FAM117A: variants seen among roughly 807,000 people sequenced by gnomAD.
FAM117A encodes family with sequence similarity 117 member A.
In FAM117A, 21 loss-of-function variants were observed where a neutral mutation model predicts 44.1. The observed-to-expected ratio is 0.48, with a 90% CI of 0.34 to 0.69. The LOEUF (loss-of-function observed/expected upper bound fraction) is 0.69. FAM117A is among the 30% of genes least tolerant of loss of function. The pLI is 0.01. For missense variants in FAM117A, 498 were observed against 589.9 expected (o/e 0.84, Z 1.61); for synonymous variants, 220 against 238.3 (o/e 0.92, Z 0.71).
In FAM117A at chr17:49,782,202, C is replaced by T. The variant is rs1056288629; in HGVS notation, c.-621+6295G>A. On this transcript the variant is annotated intron_variant, in intron 1 of 7. Coordinates refer to the FAM117A transcript ENST00000513602. ...CATCCTGGCTAACACAATGAAACCC[C>T]GTCTCTACTAAAAATACAAAAAAAA... Among the ~76,000 whole-genome samples the T allele has an allele frequency of 4.6e-5, 7 of 151,436 alleles. No individual in the cohort carries two copies. In the East Asian group the frequency reaches 9.8e-4, roughly 21 times the overall value.
chr17:49,755,487 C>T (rs2073695177), intron 1 of FAM117A, among the ~76,000 whole-genome samples: 1 of 152,240 alleles, frequency 6.6e-6, no homozygotes, highest in African/African-American at 2.4e-5. Flanking sequence ...TAAAGCCAGG[C>T]AGTCTGGCTT....
chr17:49,713,514 A>G (rs2073487806), intron 7 of FAM117A, among the ~76,000 whole-genome samples: 2 of 151,868 alleles, frequency 1.3e-5, no homozygotes, highest in African/African-American at 4.8e-5. Context: ...ATTGGTTACC[A>G]TCTTTTTTTT....
chr17:49,763,844 C>A (rs1206795734), intron 1 of FAM117A, 48 bp downstream of exon 1: 2 of 1,043,356 alleles, frequency 1.9e-6, no homozygotes, highest in Non-Finnish European at 2.4e-6. Context: ...ACGCGCCCCC[C>A]CTCCCCCAAT....
intron 1 of FAM117A, among the ~76,000 whole-genome samples, chr17:49,758,247 G>A (rs898071701): frequency 3.9e-5 from 6 of 151,976 alleles, no homozygotes; most frequent in East Asian, 1.9e-4. Flanking sequence ...CAGGAGAAGC[G>A]CTTGAATCTG....
In FAM117A at chr17:49,711,223, C is replaced by A; in HGVS notation, c.*32G>T. On this transcript the variant is annotated 3_prime_UTR_variant, in exon 8 of 8. Coordinates refer to ENST00000240364, the MANE Select transcript of FAM117A (RefSeq NM_030802.4). ...AGGGACCTGCCACCAAGGCACTGGTCTCTATGGTAAAGTGGGGCAGGGGTG... is the reference window on the plus strand; with the variant it reads ...AGGGACCTGCCACCAAGGCACTGGTATCTATGGTAAAGTGGGGCAGGGGTG... 2 of 1,555,188 alleles carry A rather than the reference C, an allele frequency of 1.3e-6. No individual in the cohort carries two copies. Among genetic ancestry groups the A allele is most frequent in the South Asian group, 1.2e-5 (1 of 82,882 alleles).
At chr17:49,782,714 C>A (rs2044540572) in intron 1 of FAM117A, among the ~76,000 whole-genome samples, 1 of 150,810 alleles carries the variant, frequency 6.6e-6, no homozygotes, top group Non-Finnish European at 1.5e-5. Context: ...AAAAAAAACC[C>A]TTTGTGGCGG....
chr17:49,758,278 C>T (rs1422299940), intron 1 of FAM117A, among the ~76,000 whole-genome samples: 4 of 150,842 alleles, frequency 2.7e-5, no homozygotes, highest in Admixed American at 2.6e-4. Flanking sequence ...TTGCCATGAG[C>T]CGAGATCATG....
intron 1 of FAM117A, among the ~76,000 whole-genome samples, chr17:49,763,119 C>A (rs2073728728): frequency 7.9e-6 from 1 of 126,738 alleles, no homozygotes; most frequent in Non-Finnish European, 1.6e-5. Flanking sequence ...GGTCTCCCCC[C>A]CGCTACACAC....
chr17:49,762,113 C>T lies in FAM117A; in HGVS notation c.196+1779G>A, dbSNP rs549448279. On this transcript the variant is annotated intron_variant, in intron 1 of 7. Coordinates refer to ENST00000240364, the MANE Select transcript of FAM117A (RefSeq NM_030802.4). The stretch of plus-strand genomic sequence containing the variant: ...CCAGACATCCAAACCTACGTTCTTC[C>T]CCCTTCCACAGCATCCACCAGCAAT... Among the ~76,000 whole-genome samples the T allele has an allele frequency of 3.9e-5, 6 of 152,292 alleles. No individual in the cohort carries two copies. In the South Asian group the frequency reaches 1.0e-3, roughly 26 times the overall value.
At chr17:49,723,958 G>A (rs2073547338) in intron 2 of FAM117A, among the ~76,000 whole-genome samples, 1 of 152,170 alleles carries the variant, frequency 6.6e-6, no homozygotes. Context: ...AAAGCATCCA[G>A]AGATCCATTT....
intron 1 of FAM117A, among the ~76,000 whole-genome samples, chr17:49,787,146 C>T (rs2073815670): frequency 1.3e-5 from 2 of 152,254 alleles, no homozygotes; most frequent in South Asian, 4.2e-4. Flanking sequence ...GAGATATGCT[C>T]TTAATGTAAG....
In FAM117A at chr17:49,711,214, G is replaced by C; in HGVS notation, c.*41C>G. 1.3e-6 allele frequency: 2 copies of C among 1,530,932 alleles called. No homozygotes were observed. The highest frequency in any genetic ancestry group is 1.8e-6 in the Non-Finnish European group (2 of 1,137,164). The allele number at this position is 1,530,932 out of a possible 1,614,324, so 94.8% of individuals were successfully genotyped here. On this transcript the variant is annotated 3_prime_UTR_variant, in exon 8 of 8. Coordinates refer to ENST00000240364, the MANE Select transcript of FAM117A (RefSeq NM_030802.4). ...GACCTGGGGAGGGACCTGCCACCAA[G>C]GCACTGGTCTCTATGGTAAAGTGGG...
At chr17:49,747,057 A>G (rs2073656977) in intron 1 of FAM117A, 1 of 152,084 alleles carries the variant, frequency 6.6e-6, no homozygotes. Flanking sequence ...CAACTATTAA[A>G]GGGTAAATAA....
chr17:49,730,134 G>C (rs1316605844), intron 2 of FAM117A, among the ~76,000 whole-genome samples: 7 of 152,150 alleles, frequency 4.6e-5, no homozygotes, highest in African/African-American at 1.4e-4. Context: ...ATGAAAGATG[G>C]GTAGAGTGCA....
chr17:49,744,280 T>C (rs2073645825), intron 1 of FAM117A, among the ~76,000 whole-genome samples: 1 of 152,130 alleles, frequency 6.6e-6, no homozygotes, highest in Non-Finnish European at 1.5e-5. Context: ...TTATTATTTG[T>C]TTATTTATTT....
rs186816177 is a variant in FAM117A at position 49,786,139 on chromosome 17, T to G, written c.-621+2358A>C. On this transcript the variant is annotated intron_variant, in intron 1 of 7. Coordinates refer to the FAM117A transcript ENST00000513602. The stretch of plus-strand genomic sequence containing the variant: ...ACTATACACATTTTTTTCCTTATGA[T>G]CATGTTTCTATCCTACTGGTGTTAG... 1.4e-3 allele frequency among the ~76,000 whole-genome samples: 217 copies of G among 152,352 alleles called. 2 individuals are homozygous for G. The highest frequency in any genetic ancestry group is 7.9e-3 in the Admixed American group (121 of 15,304).
intron 7 of FAM117A, among the ~76,000 whole-genome samples, chr17:49,713,849 G>A (rs2073489390): frequency 6.6e-6 from 1 of 152,078 alleles, no homozygotes; most frequent in Admixed American, 6.6e-5. Flanking sequence ...CTAGAGCCCA[G>A]GAAGAGCAAG....
intron 1 of FAM117A, among the ~76,000 whole-genome samples, chr17:49,784,754 T>G (rs897215235): frequency 1.3e-5 from 2 of 152,226 alleles, no homozygotes; most frequent in Middle Eastern, 6.3e-3. Context: ...ACCTTGCTTA[T>G]CTCCCTATTT....
At chr17:49,746,489 C>A (rs1171103093) in intron 1 of FAM117A, among the ~76,000 whole-genome samples, 2 of 152,166 alleles carry the variant, frequency 1.3e-5, no homozygotes, top group Non-Finnish European at 2.9e-5. Flanking sequence ...AGGCAAGGAA[C>A]TGAAACTCAC....
Sources: allele counts gnomAD v4.1 joint callset (sites outside exome capture counted in the v4.1 genomes callset), GRCh38; gene constraint gnomAD v4.1.1; transcripts MANE v1.5; gene names NCBI Gene and HGNC (gene_info 2026-07-23, HGNC 2026-07-21).